The following PRKCG variants were observed in gnomAD, a reference collection of about 807,000 sequenced individuals.
PRKCG encodes the protein protein kinase C gamma.
PRKCG carries 28 observed loss-of-function variants against 82.0 expected under a neutral mutation model. That is an observed-to-expected ratio of 0.34 (90% confidence interval 0.25 to 0.47). The LOEUF (loss-of-function observed/expected upper bound fraction) is 0.47, where lower values mean the gene tolerates loss of function less well. Among genes scored for constraint, PRKCG ranks in the 20% least tolerant of loss-of-function variants. The pLI is 1.00. For synonymous variants in PRKCG, 383 were observed against 376.6 expected, an observed-to-expected ratio of 1.02 and a Z score of -0.20; for missense variants, 640 against 952.7, an observed-to-expected ratio of 0.67 and a Z score of 4.32.
chr19:53,899,963 G>A (rs1187406569), intron 11 of PRKCG, among the ~76,000 whole-genome samples: 8 of 152,184 alleles, frequency 5.3e-5, no homozygotes, highest in Admixed American at 5.2e-4. Context: ...TGGTGTTCCC[G>A]GATTTCGAGC....
At position 53,893,406 on chromosome 19, in the gene PRKCG, G is replaced by C; in HGVS notation, c.939+15G>C. On this transcript the variant is annotated intron_variant, in intron 9 of 17. Coordinates refer to ENST00000263431, the MANE Select transcript of PRKCG (RefSeq NM_002739.5). ...AATTGTATGAGGTGAGTAGAACCAG[G>C]GCGTTGAATGGAGGCAGTTTTTGCC... 1 of 1,611,976 alleles carries C rather than the reference G, an allele frequency of 6.2e-7. No individual in the cohort carries two copies.
chr19:53,892,767 C>G lies in PRKCG; in HGVS notation c.821+124C>G. On this transcript the variant is annotated intron_variant, in intron 7 of 17. Coordinates refer to ENST00000263431, the MANE Select transcript of PRKCG (RefSeq NM_002739.5). This position sits in a 1 kb window ranked among gnomAD's most constrained non-coding sequence, Gnocchi z 5.9. ...CCCAGCATGCGCACACACACACACA[C>G]ACACACACACACACGCACACACACG... 8.2e-7 allele frequency: 1 copy of G among 1,213,016 alleles called. No homozygotes were observed. Among genetic ancestry groups the G allele is most frequent in the Non-Finnish European group, 1.2e-6 (1 of 869,502 alleles). The allele number at this position is 1,213,016 out of a possible 1,614,324, so 75.1% of individuals were successfully genotyped here.
rs998181052 is a variant in PRKCG at position 53,898,699 on chromosome 19, T to A, written c.1281+71T>A. ...CCAGTTCTGGACATCTGCGTTGGGA[T>A]TCTGAGTTTAGGGCGAGGCAAGAGA... is the stretch of plus-strand genomic sequence containing the variant. On this transcript the variant is annotated intron_variant, in intron 11 of 17. Coordinates refer to ENST00000263431, the MANE Select transcript of PRKCG (RefSeq NM_002739.5). The A allele has an allele frequency of 3.9e-5, 57 of 1,461,104 alleles. No homozygotes were observed. In the Admixed American group the frequency reaches 6.6e-4, roughly 17 times the overall value. The allele number at this position is 1,461,104 out of a possible 1,614,324, so 90.5% of individuals were successfully genotyped here.
rs977316766 is a variant in PRKCG at position 53,889,825 on chromosome 19, G to A, written c.398-61G>A. 1.1e-4 allele frequency: 170 copies of A among 1,575,386 alleles called. No individual in the cohort carries two copies. Among genetic ancestry groups the A allele is most frequent in the Non-Finnish European group, 1.4e-4 (158 of 1,160,636 alleles). On this transcript the variant is annotated intron_variant, in intron 4 of 17. Coordinates refer to ENST00000263431, the MANE Select transcript of PRKCG (RefSeq NM_002739.5). The surrounding 1 kb of genome is among the most constrained non-coding windows in gnomAD (Gnocchi z 4.4). ...TCCGGGAAATGCCCGGGATGGGGTG[G>A]GGGGTGGAGTCTTGGCTTGGGGGCG...
chr19:53,906,302 CTG>C lies in PRKCG; in HGVS notation c.1765-11_1765-10del. On this transcript the variant is annotated splice_polypyrimidine_tract_variant and intron_variant, in intron 16 of 17. Transcript: ENST00000263431. ...TGTCTGTTTGTCTGTCTGTCTCTCT[CTG>C]TGTTTCCCACAGTTCCTGACCAAGC... 2 of 1,551,306 alleles carry C rather than the reference CTG, an allele frequency of 1.3e-6. No homozygotes were observed. The highest frequency in any genetic ancestry group is 2.7e-5 in the African/African-American group (2 of 72,948).
At chr19:53,891,869 G>A (rs2068679329) in intron 6 of PRKCG, 39 bp downstream of exon 6, 4 of 1,613,246 alleles carry the variant, frequency 2.5e-6, no homozygotes, top group South Asian at 2.2e-5. Flanking sequence ...ACAGCTGACA[G>A]AGAATGATCT....
At position 53,906,030 on chromosome 19, in the gene PRKCG, C is replaced by CTCT. The variant is rs1568763694; in HGVS notation, c.1765-285_1765-284insTTC. Among the ~76,000 whole-genome samples, 164 of 90,414 alleles carry CTCT rather than the reference C, an allele frequency of 1.8e-3. 9 individuals carry two copies. Among genetic ancestry groups the CTCT allele is most frequent in the African/African-American group, 7.2e-3 (152 of 21,000 alleles). The allele number at this position is 90,414 out of a possible 152,430, so 59.3% of individuals were successfully genotyped here. A position where few individuals can be genotyped will look rare whatever the true frequency, so the allele number is the denominator to read the frequency against. On this transcript the variant is annotated intron_variant, in intron 16 of 17. Transcript: ENST00000263431. ...GTCTCGCTCTCTGTCTGTCTCCCTC[C>CTCT]TCCTCCTCCTCCCTCCTCCTCCTCC...
intron 10 of PRKCG, 141 bp from the exon 11 acceptor site, chr19:53,898,299 G>A (rs1288150530): frequency 7.4e-7 from 1 of 1,344,222 alleles, no homozygotes; most frequent in East Asian, 2.5e-5. Flanking sequence ...GAGGGGACGG[G>A]CGGCAAGTCA....
chr19:53,883,296 G>C lies in PRKCG; in HGVS notation c.202+102G>C. The C allele has an allele frequency of 7.0e-7, 1 of 1,418,810 alleles. No individual in the cohort carries two copies. Among genetic ancestry groups the C allele is most frequent in the Non-Finnish European group, 9.9e-7 (1 of 1,010,566 alleles). 87.9% of individuals were successfully genotyped at this position (1,418,810 alleles called of 1,614,324 possible). A position where few individuals can be genotyped will look rare whatever the true frequency, so the allele number is the denominator to read the frequency against. On this transcript the variant is annotated intron_variant, in intron 2 of 17. Coordinates refer to ENST00000263431, the MANE Select transcript of PRKCG (RefSeq NM_002739.5). The surrounding 1 kb of genome is among the most constrained non-coding windows in gnomAD (Gnocchi z 5.4). The stretch of plus-strand genomic sequence containing the variant: ...ACACGTGTTCTCTGGTCCCCAGAGA[G>C]GCGCGGGGGAGCCCGGGGCGGGGGG...
Position 53,892,472 on chromosome 19 carries a change from C to A in PRKCG, c.687-37C>A. The stretch of plus-strand genomic sequence containing the variant: ...ATGGGGAACCGAGGGGAGCCATGAG[C>A]TCGGCTCTGCACCCCATCCACCCCA... On this transcript the variant is annotated intron_variant, in intron 6 of 17. Coordinates refer to ENST00000263431, the MANE Select transcript of PRKCG (RefSeq NM_002739.5). This position sits in a 1 kb window ranked among gnomAD's most constrained non-coding sequence, Gnocchi z 5.9. 1 of 1,599,504 alleles carries A rather than the reference C, an allele frequency of 6.3e-7. No individual in the cohort carries two copies. Among genetic ancestry groups the A allele is most frequent in the Non-Finnish European group, 8.5e-7 (1 of 1,176,198 alleles).
Position 53,906,731 on chromosome 19 carries a change from G to C in PRKCG, c.1930G>C (p.Asp644His). The stretch of plus-strand genomic sequence containing the variant: ...GTGTGGCCGCAGCGGCGAGAACTTT[G>C]ACAAGTTCTTCACGCGGGCGGCGCC... ...RPCGRSGENFDKFFTRAAPAL... is the reference protein window; with the variant it reads ...RPCGRSGENFHKFFTRAAPAL... Residue 644 changes from aspartate to histidine, a missense_variant, in exon 18 of 18, where the codon GAC becomes CAC. Around this residue, in one of 7 missense-constraint regions of PRKCG, gnomAD observed 198 missense variants for 273.4 expected, o/e 0.72. Transcript: ENST00000263431. The C allele has an allele frequency of 6.2e-7, 1 of 1,613,158 alleles. No individual in the cohort carries two copies. Among genetic ancestry groups the C allele is most frequent in the Non-Finnish European group, 8.5e-7 (1 of 1,180,000 alleles).
intron 10 of PRKCG, 32 bp downstream of exon 10, chr19:53,898,143 G>A: frequency 6.2e-7 from 1 of 1,611,236 alleles, no homozygotes; most frequent in Non-Finnish European, 8.5e-7. Flanking sequence ...GGGAAAGGGA[G>A]GATGTCTGTG....
rs953377939 is a variant in PRKCG at position 53,882,886 on chromosome 19, G to A, written c.170+222G>A. On this transcript the variant is annotated intron_variant, in intron 1 of 17. Transcript: ENST00000263431. This position sits in a 1 kb window ranked among gnomAD's most constrained non-coding sequence, Gnocchi z 6.1. ...GGGAGGAGGAGGCTGGAGGACAGAG[G>A]TCCTGGAGTCTTGGGTCTGAGGGAG... Among the ~76,000 whole-genome samples, 1 of 151,898 alleles carries A rather than the reference G, an allele frequency of 6.6e-6. No homozygotes were observed. Among genetic ancestry groups the A allele is most frequent in the Admixed American group, 6.6e-5 (1 of 15,242 alleles).
rs1439988519 is a variant in PRKCG, at chr19:53,882,254, GC to G, written c.-239del. On this transcript the variant is annotated 5_prime_UTR_variant, in exon 1 of 18. Coordinates refer to ENST00000263431, the MANE Select transcript of PRKCG (RefSeq NM_002739.5). The surrounding 1 kb of genome is among the most constrained non-coding windows in gnomAD (Gnocchi z 6.1). The stretch of plus-strand genomic sequence containing the variant: ...ACCGCCGCCGCCCGTGCCTCCGGCT[GC>G]CGGCGCCCCTGCCTTTGGCTCTTCC... 5.3e-6 allele frequency: 3 copies of G among 569,654 alleles called. No homozygotes were observed. 35.3% of individuals were successfully genotyped at this position (569,654 alleles called of 1,614,324 possible).
rs144637295 is a variant in PRKCG at position 53,883,782 on chromosome 19, C to G, written c.203-379C>G. ...TCCTGGGCTGCGTCTGAAGATATTT[C>G]GGTTTTCGCTCTTTGAATCTGTCTG... On this transcript the variant is annotated intron_variant, in intron 2 of 17. Coordinates refer to ENST00000263431, the MANE Select transcript of PRKCG (RefSeq NM_002739.5). The surrounding 1 kb of genome is among the most constrained non-coding windows in gnomAD (Gnocchi z 5.4). Among the ~76,000 whole-genome samples the G allele has an allele frequency of 1.9e-4, 29 of 152,322 alleles. No homozygotes were observed. In the East Asian group the frequency reaches 5.6e-3, roughly 29 times the overall value.
Position 53,892,676 on chromosome 19 carries a change from C to T in PRKCG, c.821+33C>T, listed in dbSNP as rs762862094. The T allele has an allele frequency of 8.1e-6, 13 of 1,600,380 alleles. No individual in the cohort carries two copies. Among genetic ancestry groups the T allele is most frequent in the African/African-American group, 1.3e-5 (1 of 74,740 alleles). Reference sequence around the variant, plus strand: ...GCAGGGCTGGGGCCTGGGGATGGAGCGCAATATTACCATCTCCATCTGTGT... The same window carrying T: ...GCAGGGCTGGGGCCTGGGGATGGAGTGCAATATTACCATCTCCATCTGTGT... On this transcript the variant is annotated intron_variant, in intron 7 of 17. Coordinates refer to ENST00000263431, the MANE Select transcript of PRKCG (RefSeq NM_002739.5). This position sits in a 1 kb window ranked among gnomAD's most constrained non-coding sequence, Gnocchi z 5.9.
chr19:53,890,748 ATTTT>A (rs540543756), intron 5 of PRKCG, among the ~76,000 whole-genome samples: 5,410 of 119,736 alleles, frequency 0.045, 243 homozygotes, highest in African/African-American at 0.13. Flanking sequence ...CATCCGGCTA[ATTTT>A]TTTTTTTTTT....
chr19:53,904,799 G>C lies in PRKCG; in HGVS notation c.1764+57G>C. On this transcript the variant is annotated intron_variant, in intron 16 of 17. Coordinates refer to ENST00000263431, the MANE Select transcript of PRKCG (RefSeq NM_002739.5). ...GCTCACAACCACACACCCCATTGCT[G>C]TCTCTGTGCCTATTAGAAAAATGCT... The C allele has an allele frequency of 3.6e-6, 5 of 1,397,842 alleles. No individual in the cohort carries two copies. The South Asian group carries it at 4.8e-5, about 13-fold the overall frequency. 86.6% of individuals were successfully genotyped at this position (1,397,842 alleles called of 1,614,324 possible).
chr19:53,898,583 C>T lies in PRKCG; in HGVS notation c.1236C>T (p.Gly412=), dbSNP rs767423583. ...VLALGGRGPG[G]RPHFLTQLHS... ...CGCTGGGGGGCCGGGGTCCTGGCGG[C>T]CGGCCCCACTTCCTCACCCAGCTCC... Residue 412 remains glycine, a synonymous_variant, in exon 11 of 18, where the codon GGC becomes GGT. Transcript: ENST00000263431. The T allele has an allele frequency of 1.9e-6, 3 of 1,606,294 alleles. No homozygotes were observed. The highest frequency in any genetic ancestry group is 4.5e-5 in the East Asian group (2 of 44,488).
Sources: allele counts gnomAD v4.1 joint callset (sites outside exome capture counted in the v4.1 genomes callset), GRCh38; gene constraint gnomAD v4.1.1; regional missense constraint gnomAD v4.1.1; non-coding constraint Gnocchi (gnomAD v3.1); transcripts MANE v1.5; gene names NCBI Gene and HGNC (gene_info 2026-07-23, HGNC 2026-07-21).